Variants in CNTN4 observed in about 807,000 individuals in gnomAD.
CNTN4 encodes contactin-4.
CNTN4 carries 77 observed loss-of-function variants against 122.5 expected under a neutral mutation model. The ratio of observed to expected loss-of-function variants is 0.63; its 90% confidence interval spans 0.52 to 0.76. The LOEUF is 0.76. Among genes scored for constraint, CNTN4 ranks in the 30% least tolerant of loss-of-function variants. CNTN4 has a pLI of 0.00. For synonymous variants in CNTN4, 512 were observed against 447.0 expected, an observed-to-expected ratio of 1.15 and a Z score of -1.83; for missense variants, 1,256 against 1,259.1, an observed-to-expected ratio of 1.00 and a Z score of 0.04.
intron 7 of CNTN4, among the ~76,000 whole-genome samples, chr3:2,825,494 T>A (rs148249790): frequency 3.7e-4 from 57 of 152,244 alleles, no homozygotes; most frequent in African/African-American, 1.3e-3. Context: ...AGTGCTGGGA[T>A]TACAGGTGTG....
At chr3:2,895,830 C>A (rs58292086) in intron 10 of CNTN4, among the ~76,000 whole-genome samples, 1 of 151,992 alleles carries the variant, frequency 6.6e-6, no homozygotes, top group Non-Finnish European at 1.5e-5. Context: ...GTCAGGAGAT[C>A]GAGACCATCC....
At chr3:2,142,417 T>C (rs1454411393) in intron 2 of CNTN4, among the ~76,000 whole-genome samples, 1 of 151,762 alleles carries the variant, frequency 6.6e-6, no homozygotes. Flanking sequence ...CAGGCTGGAG[T>C]GCAATGGCAT....
intron 2 of CNTN4, among the ~76,000 whole-genome samples, chr3:2,115,872 T>G (rs2033315183): frequency 3.9e-5 from 6 of 152,246 alleles, no homozygotes; most frequent in Admixed American, 3.9e-4. Flanking sequence ...AAAGACTCTT[T>G]TGCAAATGTG....
At chr3:3,036,658 T>G (rs1699633602) in intron 17 of CNTN4, among the ~76,000 whole-genome samples, 1 of 151,382 alleles carries the variant, frequency 6.6e-6, no homozygotes, top group South Asian at 2.1e-4. Flanking sequence ...TCCCTGCTAC[T>G]CAGGAGGCTG....
At chr3:2,115,875 C>T (rs1280295910) in intron 2 of CNTN4, among the ~76,000 whole-genome samples, 1 of 152,200 alleles carries the variant, frequency 6.6e-6, no homozygotes, top group East Asian at 1.9e-4. Context: ...GACTCTTTTG[C>T]AAATGTGTTT....
At chr3:2,654,445 A>T (rs1054769296) in intron 4 of CNTN4, among the ~76,000 whole-genome samples, 2 of 152,206 alleles carry the variant, frequency 1.3e-5, no homozygotes, top group Non-Finnish European at 2.9e-5. Flanking sequence ...GAGTTTAATT[A>T]TGTGCTTTGT....
chr3:2,312,517 AT>A (rs2042950443), intron 2 of CNTN4, among the ~76,000 whole-genome samples: 1 of 152,066 alleles, frequency 6.6e-6, no homozygotes, highest in African/African-American at 2.4e-5. Context: ...AAAAATTCTT[AT>A]CCCAGTGAGC....
chr3:2,306,645 T>G (rs77349184), intron 2 of CNTN4, among the ~76,000 whole-genome samples: 2,244 of 152,254 alleles, frequency 0.015, 65 homozygotes, highest in African/African-American at 0.051. Context: ...TCTTTATAAT[T>G]TCTGCAATAC....
intron 2 of CNTN4, among the ~76,000 whole-genome samples, chr3:2,336,421 A>G (rs2043956867): frequency 6.6e-6 from 1 of 152,152 alleles, no homozygotes; most frequent in Non-Finnish European, 1.5e-5. Context: ...AGGAATTTTT[A>G]TATATGGAAT....
intron 2 of CNTN4, among the ~76,000 whole-genome samples, chr3:2,322,390 C>T (rs2043303051): frequency 1.3e-5 from 2 of 152,124 alleles, no homozygotes; most frequent in Admixed American, 6.6e-5. Context: ...ATACTTGCTA[C>T]AACATGGACG....
intron 2 of CNTN4, among the ~76,000 whole-genome samples, chr3:2,231,835 T>A (rs1478261924): frequency 6.6e-6 from 1 of 152,206 alleles, no homozygotes; most frequent in Non-Finnish European, 1.5e-5. Context: ...TATGTCCTGA[T>A]AAAAATATGC....
chr3:2,180,806 T>C (rs945811227), intron 2 of CNTN4, among the ~76,000 whole-genome samples: 1 of 152,098 alleles, frequency 6.6e-6, no homozygotes, highest in Non-Finnish European at 1.5e-5. Flanking sequence ...CATCTGATTG[T>C]AGTTACAGAG....
intron 7 of CNTN4, among the ~76,000 whole-genome samples, chr3:2,825,770 G>C (rs1352491516): frequency 1.3e-5 from 2 of 152,104 alleles, no homozygotes. Flanking sequence ...TGAATGTATG[G>C]CTTCCCAGAG....
At chr3:3,026,957 T>C (rs1020242414) in intron 15 of CNTN4, among the ~76,000 whole-genome samples, 10 of 152,088 alleles carry the variant, frequency 6.6e-5, no homozygotes, top group Non-Finnish European at 8.8e-5. Flanking sequence ...TGTGATCCCA[T>C]TGACAATAAA....
intron 2 of CNTN4, among the ~76,000 whole-genome samples, chr3:2,272,053 AT>A (rs1369212045): frequency 6.6e-6 from 1 of 152,166 alleles, no homozygotes; most frequent in Non-Finnish European, 1.5e-5. Flanking sequence ...AATTGCAATC[AT>A]TAAATAATTT....
At chr3:2,181,612 A>G (rs961269470) in intron 2 of CNTN4, among the ~76,000 whole-genome samples, 5 of 152,114 alleles carry the variant, frequency 3.3e-5, no homozygotes, top group African/African-American at 1.2e-4. Context: ...AAATGATTAC[A>G]TTTTAAATAC....
intron 3 of CNTN4, among the ~76,000 whole-genome samples, chr3:2,539,732 T>C (rs1349162800): frequency 3.3e-5 from 5 of 152,166 alleles, no homozygotes; most frequent in Admixed American, 6.6e-5. Flanking sequence ...GTAAACAGAT[T>C]TCCGAGCTTT....
chr3:2,762,796 G>C (rs2090649255), intron 6 of CNTN4, among the ~76,000 whole-genome samples: 1 of 151,990 alleles, frequency 6.6e-6, no homozygotes, highest in African/African-American at 2.4e-5. Context: ...CCCAGCAATA[G>C]TATATAAGTC....
At chr3:2,309,017 C>T (rs187991615) in intron 2 of CNTN4, among the ~76,000 whole-genome samples, 4 of 152,112 alleles carry the variant, frequency 2.6e-5, no homozygotes, top group Non-Finnish European at 5.9e-5. Context: ...CCTTTTTGAT[C>T]TTCTGTCTGA....
Sources: allele counts gnomAD v4.1 joint callset (sites outside exome capture counted in the v4.1 genomes callset), GRCh38; gene constraint gnomAD v4.1.1; transcripts MANE v1.5; gene names NCBI Gene and HGNC (gene_info 2026-07-23, HGNC 2026-07-21).